ADAMTSL1: variants seen among roughly 807,000 people sequenced by gnomAD.
The protein encoded by ADAMTSL1 is ADAMTS-like protein 1.
ADAMTSL1 carries 126 observed loss-of-function variants against 201.8 expected under a neutral mutation model. The observed-to-expected ratio is 0.62, with a 90% CI of 0.54 to 0.72. ADAMTSL1 has a LOEUF of 0.72. Among genes scored for constraint, ADAMTSL1 ranks in the 30% least tolerant of loss-of-function variants. ADAMTSL1 has a pLI of 0.00. For synonymous variants in ADAMTSL1, 1,121 were observed against 903.4 expected, an observed-to-expected ratio of 1.24 and a Z score of -4.32; for missense variants, 2,679 against 2,277.8, an observed-to-expected ratio of 1.18 and a Z score of -3.59.
chr9:18,259,089 T>C (rs1207467428), intron 2 of ADAMTSL1, among the ~76,000 whole-genome samples: 1 of 152,194 alleles, frequency 6.6e-6, no homozygotes, highest in African/African-American at 2.4e-5. Flanking sequence ...TGCATATTTC[T>C]CCTGGCTCCA....
At chr9:18,606,914 A>G (rs978658847) in intron 4 of ADAMTSL1, among the ~76,000 whole-genome samples, 1 of 152,132 alleles carries the variant, frequency 6.6e-6, no homozygotes, top group Admixed American at 6.6e-5. Flanking sequence ...CTTCCTGCCA[A>G]CTGAGATACA....
At chr9:18,152,782 A>AT (rs2132050377) in intron 1 of ADAMTSL1, among the ~76,000 whole-genome samples, 1 of 152,132 alleles carries the variant, frequency 6.6e-6, no homozygotes, top group African/African-American at 2.4e-5. Flanking sequence ...TGCAAAAAAA[A>AT]AGAAATCAAG....
chr9:18,089,645 A>G (rs1458029645), intron 1 of ADAMTSL1, among the ~76,000 whole-genome samples: 1 of 152,224 alleles, frequency 6.6e-6, no homozygotes, highest in Non-Finnish European at 1.5e-5. Context: ...TGAGAACATT[A>G]TGCTATGAAA....
chr9:18,776,548 G>A (rs1193915359), intron 18 of ADAMTSL1, among the ~76,000 whole-genome samples: 1 of 152,190 alleles, frequency 6.6e-6, no homozygotes, highest in African/African-American at 2.4e-5. Flanking sequence ...GTGGCAGCTT[G>A]ATGGTCCACA....
chr9:18,639,511 G>A, intron 7 of ADAMTSL1, 100 bp downstream of exon 7: 3 of 1,402,862 alleles, frequency 2.1e-6, no homozygotes, highest in Non-Finnish European at 2.9e-6. Flanking sequence ...ACATATGTTT[G>A]GAAAGCCCGT....
At chr9:18,533,119 C>T (rs1001406523) in intron 2 of ADAMTSL1, 128 bp from the exon 3 acceptor site, 2 of 641,930 alleles carry the variant, frequency 3.1e-6, no homozygotes, top group African/African-American at 3.7e-5. Context: ...AGTAAACCCT[C>T]TAAGAACATG....
At chr9:18,701,900 A>G (rs1176564190) in intron 13 of ADAMTSL1, among the ~76,000 whole-genome samples, 2 of 152,242 alleles carry the variant, frequency 1.3e-5, no homozygotes, top group Admixed American at 6.5e-5. Flanking sequence ...TTCACATTGT[A>G]TTACTCCATT....
intron 2 of ADAMTSL1, among the ~76,000 whole-genome samples, chr9:18,306,867 A>C (rs1833927650): frequency 6.6e-6 from 1 of 152,290 alleles, no homozygotes; most frequent in East Asian, 1.9e-4. Context: ...CTCCTCAAGA[A>C]GAGCAAACCC....
chr9:18,139,985 A>G (rs889848483), intron 1 of ADAMTSL1, among the ~76,000 whole-genome samples: 1 of 152,158 alleles, frequency 6.6e-6, no homozygotes, highest in Non-Finnish European at 1.5e-5. Flanking sequence ...AAATAAGTCA[A>G]ATAAAAATTT....
At chr9:18,512,912 C>A (rs764018341) in intron 2 of ADAMTSL1, among the ~76,000 whole-genome samples, 1 of 152,132 alleles carries the variant, frequency 6.6e-6, no homozygotes, top group Non-Finnish European at 1.5e-5. Flanking sequence ...TTTCTTCAAT[C>A]TGTGCTTCAA....
At chr9:18,134,818 C>T (rs935101135) in intron 1 of ADAMTSL1, among the ~76,000 whole-genome samples, 15 of 152,168 alleles carry the variant, frequency 9.9e-5, no homozygotes, top group African/African-American at 3.4e-4. Context: ...GTTGTGGAGA[C>T]AGACTCTTCC....
intron 2 of ADAMTSL1, among the ~76,000 whole-genome samples, chr9:18,170,556 CATT>C (rs938918151): frequency 1.3e-5 from 2 of 151,978 alleles, no homozygotes; most frequent in Non-Finnish European, 2.9e-5. Flanking sequence ...ATTAAGACCA[CATT>C]ATTTACTTGT....
At chr9:18,191,391 G>C (rs1397041254) in intron 2 of ADAMTSL1, among the ~76,000 whole-genome samples, 1 of 152,176 alleles carries the variant, frequency 6.6e-6, no homozygotes, top group Non-Finnish European at 1.5e-5. Context: ...GGCCCAGAGA[G>C]GAAACTGGGA....
chr9:18,049,857 T>C (rs1177043291), intron 1 of ADAMTSL1, among the ~76,000 whole-genome samples: 1 of 152,164 alleles, frequency 6.6e-6, no homozygotes, highest in Non-Finnish European at 1.5e-5. Flanking sequence ...TCTCCTGACC[T>C]CGTGATCTGC....
At chr9:18,684,979 T>C in intron 13 of ADAMTSL1, 179 bp downstream of exon 13, 1 of 1,379,916 alleles carries the variant, frequency 7.2e-7, no homozygotes, top group Non-Finnish European at 9.4e-7. Flanking sequence ...AGCTGATGAT[T>C]GCATTGTAAA....
intron 2 of ADAMTSL1, among the ~76,000 whole-genome samples, chr9:18,233,217 G>A (rs933081034): frequency 2.6e-5 from 4 of 152,138 alleles, no homozygotes; most frequent in African/African-American, 7.2e-5. Flanking sequence ...TATTTTCATC[G>A]TCAATTCACT....
chr9:18,385,079 GCA>G (rs1837736349), intron 2 of ADAMTSL1, among the ~76,000 whole-genome samples: 1 of 152,150 alleles, frequency 6.6e-6, no homozygotes, highest in Non-Finnish European at 1.5e-5. Flanking sequence ...CCCTCCCAGA[GCA>G]CACAGTCAAA....
In ADAMTSL1 at chr9:17,912,074, C is replaced by G. The variant is rs1361517006; in HGVS notation, c.87+5152C>G. On this transcript the variant is annotated intron_variant, in intron 1 of 29. Coordinates refer to the ADAMTSL1 transcript ENST00000680146. ...TGTATATGTGCCACATTTTCTTAATCCAGTCTATCATTGTTGGACATTTGG... is the reference window on the plus strand; with the variant it reads ...TGTATATGTGCCACATTTTCTTAATGCAGTCTATCATTGTTGGACATTTGG... 9.4e-5 allele frequency among the ~76,000 whole-genome samples: 5 copies of G among 53,014 alleles called. 2 individuals carry two copies. Among genetic ancestry groups the G allele is most frequent in the African/African-American group, 1.7e-4 (5 of 29,406 alleles). 34.8% of individuals were successfully genotyped at this position (53,014 alleles called of 152,430 possible).
At chr9:18,632,036 C>A (rs547559659) in intron 5 of ADAMTSL1, among the ~76,000 whole-genome samples, 1 of 152,278 alleles carries the variant, frequency 6.6e-6, no homozygotes, top group African/African-American at 2.4e-5. Context: ...TAGGAAAGGG[C>A]ACCCAGAGGA....
Sources: gnomAD v4.1 joint callset for allele counts (sites outside exome capture counted in the v4.1 genomes callset) on GRCh38, gnomAD v4.1.1 for gene constraint, MANE v1.5 for transcripts, NCBI Gene and HGNC (gene_info 2026-07-23, HGNC 2026-07-21) for gene names.